Variants in NDST4 observed in about 807,000 individuals in gnomAD.
The protein encoded by NDST4 is N-heparan sulfate sulfotransferase 4.
A neutral mutation model predicts 100.8 loss-of-function variants in NDST4; 63 were observed. The ratio of observed to expected loss-of-function variants is 0.62; its 90% CI spans 0.51 to 0.77. NDST4 has a LOEUF of 0.77. Among genes scored for constraint, NDST4 ranks in the 30% least tolerant of loss-of-function variants. The pLI, the probability that NDST4 is intolerant of heterozygous loss-of-function variation, is 0.00. For synonymous variants in NDST4, 377 were observed against 361.8 expected (o/e 1.04, Z -0.48); for missense variants, 943 against 1,018.4 (o/e 0.93, Z 1.01).
chr4:115,083,974 C>A (rs527476746), intron 1 of NDST4, among the ~76,000 whole-genome samples: 1 of 152,172 alleles, frequency 6.6e-6, no homozygotes, highest in South Asian at 2.1e-4. Context: ...CTGTAAATAC[C>A]CTGAAAATGT....
At chr4:115,093,742 T>G (rs1366939820) in intron 1 of NDST4, among the ~76,000 whole-genome samples, 5 of 151,878 alleles carry the variant, frequency 3.3e-5, no homozygotes, top group Non-Finnish European at 7.4e-5. Flanking sequence ...TATTTAAAAT[T>G]TAAGAAACAT....
At chr4:115,037,588 C>T (rs535943833) in intron 2 of NDST4, among the ~76,000 whole-genome samples, 1 of 152,100 alleles carries the variant, frequency 6.6e-6, no homozygotes, top group Admixed American at 6.6e-5. Flanking sequence ...CCAGAATATT[C>T]TCTGTGATCA....
chr4:114,877,075 C>A (rs1560790853), intron 6 of NDST4, among the ~76,000 whole-genome samples: 1 of 151,192 alleles, frequency 6.6e-6, no homozygotes, highest in East Asian at 2.0e-4. Flanking sequence ...CACACACACA[C>A]ACACACACAC....
At chr4:114,862,776 A>AGAGGAT (rs1374464512) in intron 7 of NDST4, among the ~76,000 whole-genome samples, 1 of 152,144 alleles carries the variant, frequency 6.6e-6, no homozygotes, top group African/African-American at 2.4e-5. Context: ...TTTTGGGGGA[A>AGAGGAT]GAGGATGACA....
At position 114,946,810 on chromosome 4, in the gene NDST4, T is replaced by A. The variant is rs116422643; in HGVS notation, c.1222-9307A>T. On this transcript the variant is annotated intron_variant, in intron 4 of 13. Transcript: ENST00000264363. ...AGAGAAGGAATGGGTACAGATCTTTTAGGTTTTTACATAAAAACATTGTTA... is the reference window on the plus strand; with the variant it reads ...AGAGAAGGAATGGGTACAGATCTTTAAGGTTTTTACATAAAAACATTGTTA... Among the ~76,000 whole-genome samples the A allele has an allele frequency of 9.7e-3, 1,476 of 152,326 alleles. 16 individuals are homozygous for A. The highest frequency in any genetic ancestry group is 0.013 in the Non-Finnish European group (862 of 68,018).
Position 115,076,752 on chromosome 4 carries a change from G to C in NDST4, c.285C>G (p.Ile95Met). The change falls in exon 2 of 14, where the codon ATC (isoleucine) becomes ATG (methionine). Residue 95 changes from isoleucine to methionine, a missense_variant. By Grantham distance (10) the Ile-to-Met change is conservative. Around this residue, in one of 2 missense-constraint regions of NDST4, gnomAD observed 417 missense variants for 384.2 expected, o/e 1.09. Coordinates refer to ENST00000264363, the MANE Select transcript of NDST4 (RefSeq NM_022569.3). ...ESQYSQLGQDIIAILESSRFQ... is the reference protein window; with the variant it reads ...ESQYSQLGQDMIAILESSRFQ... ...ATCGGCTGGACTCCAAAATAGCTAT[G>C]ATATCTTGACCGAGTTGAGAGTATT... The C allele has an allele frequency of 6.2e-7, 1 of 1,613,974 alleles. No individual in the cohort carries two copies. Among genetic ancestry groups the C allele is most frequent in the Non-Finnish European group, 8.5e-7 (1 of 1,179,950 alleles).
intron 4 of NDST4, among the ~76,000 whole-genome samples, chr4:114,937,968 G>T (rs192618960): frequency 6.6e-6 from 1 of 152,126 alleles, no homozygotes; most frequent in Non-Finnish European, 1.5e-5. Context: ...TAAACTGAAA[G>T]ATTTTGAATT....
intron 7 of NDST4, among the ~76,000 whole-genome samples, chr4:114,866,277 A>C (rs1169558274): frequency 6.6e-6 from 1 of 152,150 alleles, no homozygotes; most frequent in Non-Finnish European, 1.5e-5. Context: ...TTATTTTCCT[A>C]TCTTCAGCAC....
chr4:114,909,925 C>A (rs1341171302), intron 6 of NDST4, among the ~76,000 whole-genome samples: 1 of 152,092 alleles, frequency 6.6e-6, no homozygotes, highest in Non-Finnish European at 1.5e-5. Flanking sequence ...TTCTACAGAG[C>A]TCTTCTGGGT....
At chr4:115,094,414 A>G (rs1037876378) in intron 1 of NDST4, among the ~76,000 whole-genome samples, 4 of 152,172 alleles carry the variant, frequency 2.6e-5, no homozygotes, top group Non-Finnish European at 5.9e-5. Context: ...TTATAAGACT[A>G]ACATAATGTT....
chr4:114,902,726 C>G (rs893256294), intron 6 of NDST4, among the ~76,000 whole-genome samples: 1 of 151,674 alleles, frequency 6.6e-6, no homozygotes, highest in Non-Finnish European at 1.5e-5. Context: ...GGTATTTATT[C>G]CGTAGTTCTT....
At chr4:115,109,355 T>C (rs527549285) in intron 1 of NDST4, among the ~76,000 whole-genome samples, 26 of 151,966 alleles carry the variant, frequency 1.7e-4, no homozygotes, top group Non-Finnish European at 3.2e-4. Context: ...CAACATAAGT[T>C]CAATTGATGG....
chr4:114,954,306 T>A (rs563993355), intron 4 of NDST4, among the ~76,000 whole-genome samples: 3 of 152,264 alleles, frequency 2.0e-5, no homozygotes, highest in African/African-American at 7.2e-5. Context: ...AAATTAAATT[T>A]AATTTGAATG....
intron 2 of NDST4, among the ~76,000 whole-genome samples, chr4:115,066,608 G>A (rs1728952842): frequency 6.6e-6 from 1 of 152,104 alleles, no homozygotes; most frequent in East Asian, 1.9e-4. Context: ...TTGACACAGT[G>A]ATACTCTTTG....
intron 10 of NDST4, among the ~76,000 whole-genome samples, chr4:114,843,316 C>T (rs1013399485): frequency 5.3e-5 from 8 of 152,150 alleles, no homozygotes; most frequent in Admixed American, 5.2e-4. Context: ...AAGCCATTTC[C>T]TATAGCCATT....
At chr4:115,094,944 G>A (rs1729591349) in intron 1 of NDST4, among the ~76,000 whole-genome samples, 1 of 152,140 alleles carries the variant, frequency 6.6e-6, no homozygotes, top group Admixed American at 6.6e-5. Context: ...TCAGGTTTTA[G>A]TGCTTTATTA....
intron 6 of NDST4, among the ~76,000 whole-genome samples, chr4:114,915,163 T>C (rs1187297142): frequency 6.6e-6 from 1 of 152,144 alleles, no homozygotes; most frequent in African/African-American, 2.4e-5. Flanking sequence ...AACCTCACCC[T>C]GTTCTCAGGG....
At chr4:115,066,299 T>G (rs1341087696) in intron 2 of NDST4, among the ~76,000 whole-genome samples, 1 of 152,218 alleles carries the variant, frequency 6.6e-6, no homozygotes, top group Non-Finnish European at 1.5e-5. Context: ...ATTTTTTAAG[T>G]GGAGAATAAC....
intron 4 of NDST4, among the ~76,000 whole-genome samples, chr4:114,948,746 T>C (rs939886342): frequency 2.0e-4 from 31 of 152,214 alleles, no homozygotes; most frequent in African/African-American, 7.2e-4. Flanking sequence ...ATTTGAATAT[T>C]GCTCAAGTTA....
Sources: gnomAD v4.1 joint callset for allele counts (sites outside exome capture counted in the v4.1 genomes callset) on GRCh38, gnomAD v4.1.1 for gene constraint, gnomAD v4.1.1 regional missense constraint, MANE v1.5 for transcripts, NCBI Gene and HGNC (gene_info 2026-07-23, HGNC 2026-07-21) for gene names.